The following RFC3 variants were observed in gnomAD, a reference collection of about 807,000 sequenced individuals.
RFC3 encodes the protein replication factor C subunit 3, also known as A1 38 kDa subunit.
Under a neutral mutation model 45.1 loss-of-function variants are expected in RFC3, and 41 were observed. That is an observed-to-expected ratio of 0.91 (90% CI 0.71 to 1.18). RFC3 has a LOEUF of 1.18. RFC3 is among the 50% of genes most tolerant of loss of function. RFC3 has a pLI of 0.00. For missense variants in RFC3, 423 were observed against 428.1 expected, an observed-to-expected ratio of 0.99 and a Z score of 0.10; for synonymous variants, 149 against 144.0, an observed-to-expected ratio of 1.03 and a Z score of -0.25.
In RFC3 at chr13:33,892,507, C is replaced by G. The variant is rs187361036; in HGVS notation, c.879+57290C>G. On this transcript the variant is annotated intron_variant, in intron 8 of 8. Transcript: ENST00000434425. ...TCTGTTTCCCTACTTCATTCTATCTCTATTTTCTTTTTGATATCCCCATCA... is the reference window on the plus strand; with the variant it reads ...TCTGTTTCCCTACTTCATTCTATCTGTATTTTCTTTTTGATATCCCCATCA... Among the ~76,000 whole-genome samples, 743 of 151,172 alleles carry G rather than the reference C, an allele frequency of 4.9e-3. 4 individuals carry two copies. The highest frequency in any genetic ancestry group is 7.5e-3 in the Non-Finnish European group (512 of 68,012).
At position 33,865,006 on chromosome 13, in the gene RFC3, A is replaced by C. The variant is rs577813248; in HGVS notation, c.879+29789A>C. ...TTGTAGCTCAAACTGTAGAAATAGA[A>C]GAGAGAAGAAGAAAGAGAACAAAAT... On this transcript the variant is annotated intron_variant, in intron 8 of 8. Transcript: ENST00000434425. Among the ~76,000 whole-genome samples, 4 of 152,306 alleles carry C rather than the reference A, an allele frequency of 2.6e-5. No individual in the cohort carries two copies. In the South Asian group the frequency reaches 8.3e-4, roughly 32 times the overall value.
rs190622531 is a variant in RFC3 at position 33,937,028 on chromosome 13, A to G, written c.880-29059A>G. Among the ~76,000 whole-genome samples the G allele has an allele frequency of 6.6e-5, 10 of 152,274 alleles. No individual in the cohort carries two copies. The East Asian group carries it at 1.9e-3, about 29-fold the overall frequency. On this transcript the variant is annotated intron_variant, in intron 8 of 8. Coordinates refer to the RFC3 transcript ENST00000434425. ...TGTGATGACTATGTTAATTATCTTG[A>G]TTGTGATGATAACTTCATGGTGTAT...
At position 33,955,369 on chromosome 13, in the gene RFC3, A is replaced by G. The variant is rs1290354645; in HGVS notation, c.880-10718A>G. Among the ~76,000 whole-genome samples the G allele has an allele frequency of 2.6e-5, 4 of 152,220 alleles. 1 individual carries two copies. The highest frequency in any genetic ancestry group is 5.9e-5 in the Non-Finnish European group (4 of 68,042). On this transcript the variant is annotated intron_variant, in intron 8 of 8. Transcript: ENST00000434425. ...TATTTTTTTTCCTTATGCTACTAGTACAAGCTACAAGTGAAAGAGTAGAAT... is the reference window on the plus strand; with the variant it reads ...TATTTTTTTTCCTTATGCTACTAGTGCAAGCTACAAGTGAAAGAGTAGAAT...
rs959772364 is a variant in RFC3, at chr13:33,854,980, C to A, written c.879+19763C>A. Among the ~76,000 whole-genome samples, 4 of 151,652 alleles carry A rather than the reference C, an allele frequency of 2.6e-5. No individual in the cohort carries two copies. In the East Asian group the frequency reaches 7.7e-4, roughly 29 times the overall value. ...TTTCCCCATAATGCTCTAATCATGA[C>A]GGAAACAAAACATAAGCTCTATGAA... On this transcript the variant is annotated intron_variant, in intron 8 of 8. Coordinates refer to the RFC3 transcript ENST00000434425.
the RFC3 span, among the ~76,000 whole-genome samples, chr13:33,976,161 C>A: frequency 6.6e-6 from 1 of 152,108 alleles, no homozygotes; most frequent in African/African-American, 2.4e-5. Context: ...GGATTATAAA[C>A]ATATGAAATA....
At chr13:33,894,236 G>A (rs887962645) in intron 8 of RFC3, among the ~76,000 whole-genome samples, 2 of 152,142 alleles carry the variant, frequency 1.3e-5, no homozygotes, top group Non-Finnish European at 2.9e-5. Flanking sequence ...TGGGTAGCCT[G>A]GCAATCCAGG....
chr13:33,908,839 C>T (rs1175552038), intron 8 of RFC3, among the ~76,000 whole-genome samples: 1 of 151,966 alleles, frequency 6.6e-6, no homozygotes, highest in Non-Finnish European at 1.5e-5. Context: ...CAAGAAGAGC[C>T]AAAGTTTTAG....
intron 3 of RFC3, 32 bp downstream of exon 3, chr13:33,824,016 T>G (rs1353445751): frequency 9.0e-7 from 1 of 1,116,092 alleles, no homozygotes; most frequent in East Asian, 2.6e-5. Context: ...ATTAAGTATT[T>G]TTAAAGAAAT....
downstream of RFC3, chr13:33,966,604 G>A (rs181662630): frequency 6.3e-6 from 1 of 158,110 alleles, no homozygotes; most frequent in Non-Finnish European, 1.4e-5. Flanking sequence ...TATGCACATT[G>A]GTTTGTCAGG....
At chr13:33,949,158 T>A (rs1194497962) in intron 8 of RFC3, among the ~76,000 whole-genome samples, 3 of 152,072 alleles carry the variant, frequency 2.0e-5, no homozygotes, top group Middle Eastern at 3.2e-3. Context: ...ATGGGGGCAG[T>A]TTCCCCCATG....
At chr13:33,883,344 C>A (rs1346275623) in intron 8 of RFC3, among the ~76,000 whole-genome samples, 1 of 152,158 alleles carries the variant, frequency 6.6e-6, no homozygotes, top group Non-Finnish European at 1.5e-5. Context: ...TGTTAGTTTG[C>A]TTTTCCCACT....
intron 8 of RFC3, among the ~76,000 whole-genome samples, chr13:33,842,834 T>A (rs2082209509): frequency 6.6e-6 from 1 of 152,202 alleles, no homozygotes; most frequent in Admixed American, 6.6e-5. Context: ...GATTCTAACC[T>A]AAGGCCCTGG....
rs147567437 is a variant in RFC3 at position 33,867,942 on chromosome 13, T to G, written c.879+32725T>G. ...GAGTTTTGTTGGTTAATTTTACATT[T>G]CAGGCCACTGGCTACAGAATATTAA... On this transcript the variant is annotated intron_variant, in intron 8 of 8. Coordinates refer to the RFC3 transcript ENST00000434425. 4.1e-4 allele frequency among the ~76,000 whole-genome samples: 62 copies of G among 152,332 alleles called. 1 individual carries two copies. The East Asian group carries it at 0.012, about 29-fold the overall frequency.
Position 33,872,865 on chromosome 13 carries a change from G to C in RFC3, c.879+37648G>C, listed in dbSNP as rs138352436. Among the ~76,000 whole-genome samples the C allele has an allele frequency of 3.4e-5, 5 of 149,082 alleles. No individual in the cohort carries two copies. The South Asian group carries it at 6.4e-4, about 19-fold the overall frequency. On this transcript the variant is annotated intron_variant, in intron 8 of 8. Coordinates refer to the RFC3 transcript ENST00000434425. ...TTTGCAGGGTGTTGAATGAATGAGT[G>C]AATCATTGGTGATTGTTTCTCTCTG... is the stretch of plus-strand genomic sequence containing the variant.
At chr13:33,968,258 G>T (rs976941408), downstream of RFC3, among the ~76,000 whole-genome samples, 8 of 152,182 alleles carry the variant, frequency 5.3e-5, no homozygotes, top group Admixed American at 5.2e-4. Flanking sequence ...CTCCCAAGTA[G>T]CTGGGATTAC....
intron 7 of RFC3, among the ~76,000 whole-genome samples, chr13:33,834,689 A>T (rs544176796): frequency 6.6e-6 from 1 of 152,154 alleles, no homozygotes; most frequent in South Asian, 2.1e-4. Context: ...TAATCTTTTC[A>T]TGACCATTTC....
At chr13:33,969,183 T>A (rs1006238161), downstream of RFC3, among the ~76,000 whole-genome samples, 1 of 152,242 alleles carries the variant, frequency 6.6e-6, no homozygotes, top group Non-Finnish European at 1.5e-5. Context: ...GTTCTTCACA[T>A]GCTGGATGAA....
Position 33,896,711 on chromosome 13 carries a change from CAAAAAAAAAAAAAAAAA to C in RFC3, c.879+61510_879+61526del, listed in dbSNP as rs56129519. Among the ~76,000 whole-genome samples the C allele has an allele frequency of 2.4e-4, 10 of 42,102 alleles. No homozygotes were observed. The East Asian group carries it at 3.7e-3, about 16-fold the overall frequency. 27.6% of individuals were successfully genotyped at this position (42,102 alleles called of 152,430 possible). A position where few individuals can be genotyped will look rare whatever the true frequency, so the allele number is the denominator to read the frequency against. The stretch of plus-strand genomic sequence containing the variant: ...TGGGCAACAGAGTAAGACTTTGTCT[CAAAAAAAAAAAAAAAAA>C]AAAAAAAAAAAAAAAGCAAGTAACA... On this transcript the variant is annotated intron_variant, in intron 8 of 8. Transcript: ENST00000434425.
At chr13:33,854,592 C>T (rs1410877234) in intron 8 of RFC3, among the ~76,000 whole-genome samples, 1 of 152,088 alleles carries the variant, frequency 6.6e-6, no homozygotes, top group Non-Finnish European at 1.5e-5. Context: ...CCAAGTAGTT[C>T]CATAGCTACA....
Sources: allele counts gnomAD v4.1 joint callset (sites outside exome capture counted in the v4.1 genomes callset), GRCh38; gene constraint gnomAD v4.1.1; transcripts MANE v1.5; gene names NCBI Gene and HGNC (gene_info 2026-07-23, HGNC 2026-07-21).